SEMA5A: variants seen among roughly 807,000 people sequenced by gnomAD.
SEMA5A encodes semaphorin-5A.
SEMA5A carries 55 observed loss-of-function variants against 135.5 expected under a neutral mutation model. The observed-to-expected ratio is 0.41, with a 90% CI of 0.33 to 0.51. The LOEUF (loss-of-function observed/expected upper bound fraction) is 0.51, where lower values mean the gene tolerates loss of function less well. SEMA5A is among the 20% of genes least tolerant of loss of function. The pLI is 0.37. For synonymous variants in SEMA5A, 580 were observed against 546.5 expected (o/e 1.06, Z -0.85); for missense variants, 1,290 against 1,419.9 (o/e 0.91, Z 1.47).
chr5:9,125,625 G>GAT (rs1414252384), intron 13 of SEMA5A, among the ~76,000 whole-genome samples: 3 of 151,744 alleles, frequency 2.0e-5, no homozygotes, highest in Non-Finnish European at 4.4e-5. Context: ...AATTCTAAGT[G>GAT]ATACACTGGA....
In SEMA5A at chr5:9,308,567, T is replaced by G. The variant is rs369086202; in HGVS notation, c.270+9805A>C. On this transcript the variant is annotated intron_variant, in intron 5 of 22. Transcript: ENST00000382496. ...GCTTGAGAACCCCTATCTCAGACTG[T>G]GTTTCCAGGGTACCAAACCTAAAAC... 5.3e-4 allele frequency among the ~76,000 whole-genome samples: 80 copies of G among 152,276 alleles called. 3 individuals carry two copies. The East Asian group carries it at 0.012, about 23-fold the overall frequency.
At chr5:9,074,323 C>G (rs1489435568) in intron 16 of SEMA5A, among the ~76,000 whole-genome samples, 3 of 152,138 alleles carry the variant, frequency 2.0e-5, no homozygotes, top group Non-Finnish European at 4.4e-5. Flanking sequence ...TGATCAATAA[C>G]TTGTTCCATC....
intron 16 of SEMA5A, among the ~76,000 whole-genome samples, chr5:9,102,575 T>C (rs1739689002): frequency 6.6e-6 from 1 of 152,144 alleles, no homozygotes; most frequent in African/African-American, 2.4e-5. Flanking sequence ...TCCTGAAAAA[T>C]ATAGTATTTA....
chr5:9,074,172 A>G (rs1382380123), intron 16 of SEMA5A, among the ~76,000 whole-genome samples: 2 of 152,192 alleles, frequency 1.3e-5, no homozygotes, highest in African/African-American at 4.8e-5. Flanking sequence ...AACAGAATGG[A>G]AAGTCTAGGA....
intron 11 of SEMA5A, among the ~76,000 whole-genome samples, chr5:9,172,697 G>C (rs113953963): frequency 6.6e-6 from 1 of 152,106 alleles, no homozygotes; most frequent in African/African-American, 2.4e-5. Flanking sequence ...CACTTTAAAG[G>C]ATTTTTTACT....
At chr5:9,153,861 C>T (rs1313864825) in intron 12 of SEMA5A, among the ~76,000 whole-genome samples, 1 of 151,246 alleles carries the variant, frequency 6.6e-6, no homozygotes, top group African/African-American at 2.4e-5. Flanking sequence ...GCCTGGCCAA[C>T]ATGGTGAAAC....
intron 1 of SEMA5A, chr5:9,498,579 A>T (rs1242151461): frequency 6.6e-6 from 1 of 152,170 alleles, no homozygotes; most frequent in East Asian, 1.9e-4. Context: ...CATTATGAAG[A>T]TGCGGGGTCC....
At chr5:9,446,655 T>C (rs1392599434) in intron 1 of SEMA5A, among the ~76,000 whole-genome samples, 1 of 152,106 alleles carries the variant, frequency 6.6e-6, no homozygotes, top group Non-Finnish European at 1.5e-5. Flanking sequence ...CTTTGAAAAA[T>C]GTGGTCTCTC....
At chr5:9,303,785 C>G (rs1437977657) in intron 5 of SEMA5A, among the ~76,000 whole-genome samples, 1 of 151,928 alleles carries the variant, frequency 6.6e-6, no homozygotes, top group Non-Finnish European at 1.5e-5. Flanking sequence ...AATCAGAATC[C>G]AAAGAAACAA....
chr5:9,290,712 A>T (rs1217683977), intron 5 of SEMA5A, among the ~76,000 whole-genome samples: 4 of 152,216 alleles, frequency 2.6e-5, no homozygotes, highest in African/African-American at 9.6e-5. Flanking sequence ...ATACATACAC[A>T]TCCATTGACG....
intron 3 of SEMA5A, among the ~76,000 whole-genome samples, chr5:9,366,786 T>G (rs1754936779): frequency 6.6e-6 from 1 of 152,244 alleles, no homozygotes; most frequent in Non-Finnish European, 1.5e-5. Context: ...TATGTTCCCT[T>G]ATTTCCCTAG....
chr5:9,367,087 G>A (rs1754949080), intron 3 of SEMA5A, among the ~76,000 whole-genome samples: 1 of 152,184 alleles, frequency 6.6e-6, no homozygotes. Flanking sequence ...GATGCTGGAA[G>A]GCAAAGGTCT....
At chr5:9,360,196 C>A (rs538160483) in intron 3 of SEMA5A, among the ~76,000 whole-genome samples, 1 of 152,138 alleles carries the variant, frequency 6.6e-6, no homozygotes, top group African/African-American at 2.4e-5. Context: ...GTAAATTAAT[C>A]AAAAGCTAGC....
At chr5:9,111,989 C>A (rs1740269200) in intron 15 of SEMA5A, among the ~76,000 whole-genome samples, 1 of 152,114 alleles carries the variant, frequency 6.6e-6, no homozygotes, top group Admixed American at 6.5e-5. Context: ...ACACAATGGG[C>A]CAGCAGTTGG....
chr5:9,100,903 G>C (rs1560915648), intron 16 of SEMA5A, among the ~76,000 whole-genome samples: 1 of 151,846 alleles, frequency 6.6e-6, no homozygotes, highest in Admixed American at 6.6e-5. Context: ...TACTCCCTTT[G>C]GAATTCTGCA....
chr5:9,451,754 G>A, intron 1 of SEMA5A, among the ~76,000 whole-genome samples: 1 of 152,174 alleles, frequency 6.6e-6, no homozygotes, highest in Non-Finnish European at 1.5e-5. Flanking sequence ...ATAAAATGAG[G>A]AGGGTAAGAA....
rs551655938 is a variant in SEMA5A, at chr5:9,363,830, A to G, written c.124+15993T>C. Among the ~76,000 whole-genome samples, 4 of 152,342 alleles carry G rather than the reference A, an allele frequency of 2.6e-5. No homozygotes were observed. In the East Asian group the frequency reaches 7.7e-4, roughly 29 times the overall value. On this transcript the variant is annotated intron_variant, in intron 3 of 22. Transcript: ENST00000382496. ...AAGGGTCAGTTGCTCAGTTGTAGCA[A>G]AAACTATTTTCAATTCATGGAATGG...
intron 1 of SEMA5A, among the ~76,000 whole-genome samples, chr5:9,468,770 A>C (rs1004075377): frequency 2.0e-5 from 3 of 152,254 alleles, no homozygotes; most frequent in Admixed American, 2.0e-4. Context: ...TAGTATCACA[A>C]CACCAGATAA....
chr5:9,208,517 C>A (rs1341943877), intron 8 of SEMA5A, among the ~76,000 whole-genome samples: 3 of 152,096 alleles, frequency 2.0e-5, no homozygotes, highest in African/African-American at 4.8e-5. Context: ...AGGGCCAGGG[C>A]AGCTGGGAGA....
Sources: gnomAD v4.1 joint callset for allele counts (sites outside exome capture counted in the v4.1 genomes callset) on GRCh38, gnomAD v4.1.1 for gene constraint, MANE v1.5 for transcripts, NCBI Gene and HGNC (gene_info 2026-07-23, HGNC 2026-07-21) for gene names.